LINGO2: variants seen among roughly 807,000 people sequenced by gnomAD.
LINGO2 encodes leucine-rich repeat and immunoglobulin-like domain-containing nogo receptor-interacting protein 2.
A neutral mutation model predicts 30.6 loss-of-function variants in LINGO2; 14 were observed. The observed-to-expected ratio is 0.46, with a 90% confidence interval of 0.30 to 0.72. The LOEUF (loss-of-function observed/expected upper bound fraction) is 0.72, where lower values mean the gene tolerates loss of function less well. Ranked by LOEUF, LINGO2 falls within the 30% of genes least tolerant of loss-of-function variation. The pLI is 0.07. For missense variants in LINGO2, 729 were observed against 751.7 expected, an observed-to-expected ratio of 0.97 and a Z score of 0.35; for synonymous variants, 317 against 288.5, an observed-to-expected ratio of 1.10 and a Z score of -1.00.
chr9:28,262,088 T>TA (rs1822582277), intron 4 of LINGO2, among the ~76,000 whole-genome samples: 1 of 152,012 alleles, frequency 6.6e-6, no homozygotes, highest in Non-Finnish European at 1.5e-5. Flanking sequence ...ATGATCTATG[T>TA]AAAATCTTCC....
chr9:28,771,209 T>C, the LINGO2 span, among the ~76,000 whole-genome samples: 24 of 152,126 alleles, frequency 1.6e-4, no homozygotes, highest in East Asian at 3.9e-3. Flanking sequence ...ACCAGTTTCA[T>C]TAAAAGATCA....
chr9:28,438,482 C>T (rs1824045530), intron 2 of LINGO2, among the ~76,000 whole-genome samples: 1 of 152,178 alleles, frequency 6.6e-6, no homozygotes, highest in Non-Finnish European at 1.5e-5. Context: ...AGTGGTCCCA[C>T]TGGTTCTCCT....
At chr9:28,303,980 C>A (rs914974036) in intron 3 of LINGO2, among the ~76,000 whole-genome samples, 1 of 151,924 alleles carries the variant, frequency 6.6e-6, no homozygotes, top group East Asian at 1.9e-4. Flanking sequence ...TGTATGTGTA[C>A]ATATATATTT....
chr9:28,271,589 T>C (rs1484093250), intron 4 of LINGO2, among the ~76,000 whole-genome samples: 1 of 152,176 alleles, frequency 6.6e-6, no homozygotes, highest in Non-Finnish European at 1.5e-5. Context: ...CTTCTACCAT[T>C]TTCAAATCTG....
the LINGO2 span, among the ~76,000 whole-genome samples, chr9:28,794,076 A>C: frequency 6.6e-6 from 1 of 152,020 alleles, no homozygotes; most frequent in Non-Finnish European, 1.5e-5. Flanking sequence ...GAGGCTGAGG[A>C]GGGCGGATCA....
At chr9:28,109,669 A>T (rs933704667) in intron 4 of LINGO2, among the ~76,000 whole-genome samples, 1 of 152,116 alleles carries the variant, frequency 6.6e-6, no homozygotes, top group African/African-American at 2.4e-5. Context: ...AATAAAATAC[A>T]TAGGAATACA....
the LINGO2 span, among the ~76,000 whole-genome samples, chr9:28,982,645 GC>G: frequency 6.6e-6 from 1 of 151,806 alleles, no homozygotes; most frequent in African/African-American, 2.4e-5. Context: ...TTTTTCTAAA[GC>G]TTTCACAATA....
intron 4 of LINGO2, among the ~76,000 whole-genome samples, chr9:28,028,545 G>A (rs941396700): frequency 5.9e-5 from 9 of 152,094 alleles, no homozygotes; most frequent in Admixed American, 5.2e-4. Context: ...TGAAATTAAT[G>A]AATGGTAGAT....
the LINGO2 span, among the ~76,000 whole-genome samples, chr9:29,174,997 A>C: frequency 6.6e-6 from 1 of 152,170 alleles, no homozygotes; most frequent in Admixed American, 6.5e-5. Flanking sequence ...GCAGTGGCTC[A>C]TGCCTGTAAT....
chr9:29,207,835 C>T, the LINGO2 span, among the ~76,000 whole-genome samples: 1 of 151,938 alleles, frequency 6.6e-6, no homozygotes, highest in Non-Finnish European at 1.5e-5. Flanking sequence ...AAAATGTATT[C>T]TAGTCAAATC....
At chr9:28,315,686 C>A (rs1824818111) in intron 3 of LINGO2, among the ~76,000 whole-genome samples, 1 of 152,068 alleles carries the variant, frequency 6.6e-6, no homozygotes, top group South Asian at 2.1e-4. Context: ...TCAGTGGGAT[C>A]CAAGTGGAAT....
At chr9:28,387,244 C>T (rs2134665659) in intron 2 of LINGO2, among the ~76,000 whole-genome samples, 1 of 152,170 alleles carries the variant, frequency 6.6e-6, no homozygotes, top group East Asian at 1.9e-4. Context: ...CACCAATCAG[C>T]ACTCTGTAAA....
the LINGO2 span, among the ~76,000 whole-genome samples, chr9:28,686,250 GCAAATGCTTGAC>G: frequency 1.3e-5 from 2 of 151,878 alleles, no homozygotes; most frequent in African/African-American, 4.8e-5. Context: ...GTAATATAAT[GCAAATGCTTGAC>G]CAGATGATTT....
rs1827335304 is a variant in LINGO2, at chr9:28,129,831, A to G, written c.-86-117426T>C. 6.6e-6 allele frequency among the ~76,000 whole-genome samples: 1 copy of G among 152,190 alleles called. No individual in the cohort carries two copies. Among genetic ancestry groups the G allele is most frequent in the Non-Finnish European group, 1.5e-5 (1 of 68,036 alleles). ...TTATTTTTGGTTTAAGAAGGTGAAA[A>G]CATTCATAGCAGAACACTTGGAAAA... On this transcript the variant is annotated intron_variant, in intron 4 of 5. Transcript: ENST00000379992. The surrounding 1 kb of genome is among the most constrained non-coding windows in gnomAD (Gnocchi z 4.0).
intron 1 of LINGO2, among the ~76,000 whole-genome samples, chr9:28,652,714 A>T (rs1383042801): frequency 6.6e-6 from 1 of 151,956 alleles, no homozygotes; most frequent in Admixed American, 6.6e-5. Flanking sequence ...ATCCCAGAAA[A>T]AAAAAGGAAA....
the LINGO2 span, among the ~76,000 whole-genome samples, chr9:28,989,225 C>A: frequency 3.7e-3 from 557 of 152,192 alleles, 2 homozygotes; most frequent in African/African-American, 0.013. Flanking sequence ...AACAAAAGAA[C>A]AATGAAATGA....
the LINGO2 span, among the ~76,000 whole-genome samples, chr9:28,904,010 G>A: frequency 5.9e-5 from 9 of 152,136 alleles, no homozygotes; most frequent in South Asian, 1.0e-3. Context: ...GAACATTGCC[G>A]ATGATCAAGT....
Position 28,172,030 on chromosome 9 carries a change from A to AC in LINGO2, c.-87+123177_-87+123178insG, listed in dbSNP as rs1398671851. 7.7e-3 allele frequency among the ~76,000 whole-genome samples: 577 copies of AC among 75,124 alleles called. 12 individuals are homozygous for AC. Among genetic ancestry groups the AC allele is most frequent in the African/African-American group, 0.018 (290 of 15,750 alleles). The allele number at this position is 75,124 out of a possible 152,430, so 49.3% of individuals were successfully genotyped here. On this transcript the variant is annotated intron_variant, in intron 4 of 5. Coordinates refer to ENST00000379992, the Ensembl canonical transcript of LINGO2. ...AGACTCCGTCTCAAAAAAAAAAAAAAAAACAAAAAAAAAAACCCAGCATCT... is the reference window on the plus strand; with the variant it reads ...AGACTCCGTCTCAAAAAAAAAAAAAACAAACAAAAAAAAAAACCCAGCATCT...
At chr9:28,485,381 T>C (rs1021538085) in intron 1 of LINGO2, among the ~76,000 whole-genome samples, 1 of 152,098 alleles carries the variant, frequency 6.6e-6, no homozygotes, top group Non-Finnish European at 1.5e-5. Context: ...ACCTACAGTC[T>C]AGTTATGTAG....
Sources: allele counts gnomAD v4.1 joint callset (sites outside exome capture counted in the v4.1 genomes callset), GRCh38; gene constraint gnomAD v4.1.1; non-coding constraint Gnocchi (gnomAD v3.1); transcripts MANE v1.5; gene names NCBI Gene and HGNC (gene_info 2026-07-23, HGNC 2026-07-21).